Variants in NAALADL2 observed in about 807,000 individuals in gnomAD.
The protein encoded by NAALADL2 is inactive N-acetylated-alpha-linked acidic dipeptidase-like protein 2.
A neutral mutation model predicts 87.2 loss-of-function variants in NAALADL2; 76 were observed. That is an observed-to-expected ratio of 0.87 (90% CI 0.72 to 1.05). NAALADL2 has a LOEUF of 1.05. Ranked by LOEUF, NAALADL2 falls within the 50% of genes least tolerant of loss-of-function variation. The probability of loss-of-function intolerance (pLI) is 0.00; values close to 1 mark genes in which losing one functional copy is unlikely to be tolerated. For missense variants in NAALADL2, 1,089 were observed against 945.8 expected, an observed-to-expected ratio of 1.15 and a Z score of -1.99; for synonymous variants, 354 against 331.0, an observed-to-expected ratio of 1.07 and a Z score of -0.75.
chr3:174,948,461 G>C (rs942545711), intron 1 of NAALADL2, among the ~76,000 whole-genome samples: 1 of 152,208 alleles, frequency 6.6e-6, no homozygotes, highest in African/African-American at 2.4e-5. Flanking sequence ...ACAGGCGTGA[G>C]CCACCACGCC....
chr3:174,503,918 G>A lies in NAALADL2; in HGVS notation c.-183-46651G>A, dbSNP rs188216433. On this transcript the variant is annotated intron_variant, in intron 1 of 3. Coordinates refer to the NAALADL2 transcript ENST00000434257. ...ATTAATAGAGAAAATGAATATATTC[G>A]ATACTAGATTTTTACCAGTTGTTTT... Among the ~76,000 whole-genome samples the A allele has an allele frequency of 2.9e-3, 440 of 151,752 alleles. 1 individual carries two copies. The highest frequency in any genetic ancestry group is 0.01 in the African/African-American group (434 of 41,418).
intron 3 of NAALADL2, among the ~76,000 whole-genome samples, chr3:174,820,994 G>T (rs67111281): frequency 0.1 from 15,831 of 152,162 alleles, 960 homozygotes; most frequent in Middle Eastern, 0.15. Flanking sequence ...CAGAGATTAG[G>T]TTTTTTGTTT....
chr3:174,899,241 A>G (rs549450154), intron 1 of NAALADL2, among the ~76,000 whole-genome samples: 2 of 152,120 alleles, frequency 1.3e-5, no homozygotes, highest in Non-Finnish European at 2.9e-5. Flanking sequence ...TTTATTAGAG[A>G]AGAAAGACAT....
At chr3:175,667,227 GAAAGAAAGAAAGAA>G (rs879794894) in intron 11 of NAALADL2, among the ~76,000 whole-genome samples, 5,320 of 126,704 alleles carry the variant, frequency 0.042, 188 homozygotes, top group African/African-American at 0.11. Context: ...AAGAAAGAAA[GAAAGAAAGAAAGAA>G]AAAGAAAGAA....
intron 2 of NAALADL2, among the ~76,000 whole-genome samples, chr3:175,106,917 T>C (rs932917809): frequency 6.8e-6 from 1 of 146,812 alleles, no homozygotes; most frequent in Non-Finnish European, 1.5e-5. Flanking sequence ...TATGCAAAAG[T>C]ATCGAATCAA....
chr3:175,341,962 A>G (rs184623242), intron 5 of NAALADL2, among the ~76,000 whole-genome samples: 128 of 152,220 alleles, frequency 8.4e-4, no homozygotes, highest in Non-Finnish European at 1.3e-3. Flanking sequence ...ATTTTGTTGA[A>G]AATTATGCCA....
chr3:174,983,876 T>C (rs892136728), intron 1 of NAALADL2, among the ~76,000 whole-genome samples: 1 of 152,222 alleles, frequency 6.6e-6, no homozygotes. Flanking sequence ...GGGTAGTTTC[T>C]TCAAGATGAG....
intron 1 of NAALADL2, among the ~76,000 whole-genome samples, chr3:174,952,033 G>A (rs1394986048): frequency 1.3e-5 from 2 of 151,930 alleles, no homozygotes; most frequent in Non-Finnish European, 2.9e-5. Context: ...AATTCATTAG[G>A]CAAACTCTTA....
At chr3:175,667,185 AAGAAAG>A (rs1733164027) in intron 11 of NAALADL2, among the ~76,000 whole-genome samples, 1 of 47,958 alleles carries the variant, frequency 2.1e-5, no homozygotes, top group African/African-American at 1.1e-4. Flanking sequence ...AAGAAAGAGA[AAGAAAG>A]AAAGAAAGAA....
chr3:175,355,384 T>C (rs1033446785), intron 5 of NAALADL2, among the ~76,000 whole-genome samples: 5 of 152,060 alleles, frequency 3.3e-5, no homozygotes, highest in African/African-American at 1.2e-4. Flanking sequence ...CACAATAAAA[T>C]TTTGACTATG....
intron 9 of NAALADL2, among the ~76,000 whole-genome samples, chr3:175,542,981 C>T (rs1712640172): frequency 6.6e-6 from 1 of 152,248 alleles, no homozygotes; most frequent in African/African-American, 2.4e-5. Flanking sequence ...ATTCATTATC[C>T]TGGCATCATT....
intron 1 of NAALADL2, among the ~76,000 whole-genome samples, chr3:174,543,924 C>T (rs1722490821): frequency 6.6e-6 from 1 of 151,752 alleles, no homozygotes; most frequent in Non-Finnish European, 1.5e-5. Context: ...ATGAGAATCA[C>T]TAGAGCCCAG....
At chr3:174,846,851 T>A (rs1242103874) in intron 3 of NAALADL2, among the ~76,000 whole-genome samples, 1 of 152,046 alleles carries the variant, frequency 6.6e-6, no homozygotes, top group Non-Finnish European at 1.5e-5. Context: ...GATTGCTATG[T>A]TTTAGGAAGA....
At chr3:174,769,195 C>T (rs1230528454) in intron 3 of NAALADL2, among the ~76,000 whole-genome samples, 2 of 151,800 alleles carry the variant, frequency 1.3e-5, no homozygotes, top group East Asian at 3.8e-4. Context: ...TTGTTATTGT[C>T]TCTGATATTT....
chr3:174,526,678 C>CTTTTTT (rs11333906), intron 1 of NAALADL2, among the ~76,000 whole-genome samples: 4 of 138,316 alleles, frequency 2.9e-5, no homozygotes, highest in African/African-American at 2.7e-5. Context: ...TTTTCTTTTT[C>CTTTTTT]TTTTTTTTTT....
intron 2 of NAALADL2, among the ~76,000 whole-genome samples, chr3:174,701,125 A>C (rs1016503469): frequency 1.3e-5 from 2 of 151,858 alleles, no homozygotes; most frequent in Non-Finnish European, 2.9e-5. Flanking sequence ...TTCTTTATAT[A>C]TTTACATTAT....
chr3:175,306,490 C>A (rs192047004), intron 4 of NAALADL2, among the ~76,000 whole-genome samples: 1 of 152,196 alleles, frequency 6.6e-6, no homozygotes, highest in East Asian at 1.9e-4. Context: ...CAGACACCTC[C>A]AATGATCTGA....
intron 1 of NAALADL2, among the ~76,000 whole-genome samples, chr3:174,533,217 G>A (rs541582032): frequency 8.6e-5 from 13 of 151,404 alleles, no homozygotes; most frequent in East Asian, 2.0e-4. Flanking sequence ...AAAGGCTCTC[G>A]TGCCCCCTTG....
At chr3:174,988,728 G>A (rs1268537304) in intron 1 of NAALADL2, among the ~76,000 whole-genome samples, 1 of 152,100 alleles carries the variant, frequency 6.6e-6, no homozygotes, top group African/African-American at 2.4e-5. Flanking sequence ...GCATGTTTGT[G>A]TCCAAATGTC....
Sources: gnomAD v4.1 joint callset for allele counts (sites outside exome capture counted in the v4.1 genomes callset) on GRCh38, gnomAD v4.1.1 for gene constraint, MANE v1.5 for transcripts, NCBI Gene and HGNC (gene_info 2026-07-23, HGNC 2026-07-21) for gene names.